Variants in GPM6A observed in about 807,000 individuals in gnomAD.
The protein encoded by GPM6A is neuronal membrane glycoprotein M6-a.
In GPM6A, 7 loss-of-function variants were observed where a neutral mutation model predicts 32.1. The observed-to-expected ratio is 0.22, with a 90% CI of 0.12 to 0.41. The LOEUF is 0.41. GPM6A is among the 10% of genes least tolerant of loss of function. The pLI, the probability that GPM6A is intolerant of heterozygous loss-of-function variation, is 1.00. For synonymous variants in GPM6A, 130 were observed against 123.4 expected (o/e 1.05, Z -0.35); for missense variants, 235 against 347.2 (o/e 0.68, Z 2.57).
chr4:175,706,327 T>A (rs1158317386), intron 1 of GPM6A, among the ~76,000 whole-genome samples: 1 of 152,178 alleles, frequency 6.6e-6, no homozygotes, highest in Non-Finnish European at 1.5e-5. Context: ...CATTGTGAAG[T>A]CAAATACATG....
In GPM6A at chr4:175,721,471, G is replaced by C. The variant is rs991075027; in HGVS notation, c.38-19704C>G. ...AGTCTGGGTGACAGAGCGAGACTCCGTCTCAAGAAAAAAAAAAAAGCAAGA... is the reference window on the plus strand; with the variant it reads ...AGTCTGGGTGACAGAGCGAGACTCCCTCTCAAGAAAAAAAAAAAAGCAAGA... On this transcript the variant is annotated intron_variant, in intron 1 of 6. Coordinates refer to ENST00000393658, the MANE Select transcript of GPM6A (RefSeq NM_201591.3). Among the ~76,000 whole-genome samples, 10 of 150,428 alleles carry C rather than the reference G, an allele frequency of 6.6e-5. No individual in the cohort carries two copies. In the East Asian group the frequency reaches 1.9e-3, roughly 29 times the overall value.
At chr4:175,817,225 A>C (rs182845896), upstream of GPM6A, among the ~76,000 whole-genome samples, 1,019 of 152,380 alleles carry the variant, frequency 6.7e-3, 8 homozygotes, top group Non-Finnish European at 0.011. Context: ...TTATAAAATG[A>C]CCATAACATT....
intron 2 of GPM6A, among the ~76,000 whole-genome samples, chr4:175,675,244 T>C (rs924697901): frequency 7.8e-4 from 117 of 150,640 alleles, no homozygotes; most frequent in African/African-American, 2.8e-3. Context: ...TATATGTATA[T>C]ATGTATATAT....
chr4:175,835,763 T>C (rs1370531401), intron 1 of GPM6A, among the ~76,000 whole-genome samples: 1 of 147,402 alleles, frequency 6.8e-6, no homozygotes, highest in East Asian at 1.9e-4. Flanking sequence ...TAATTATATT[T>C]ACTAACATTA....
intron 1 of GPM6A, among the ~76,000 whole-genome samples, chr4:175,749,073 A>G (rs1015382657): frequency 6.6e-6 from 1 of 152,154 alleles, no homozygotes; most frequent in Admixed American, 6.5e-5. Flanking sequence ...TGGGAGTTGG[A>G]TAGGAAAATG....
intron 1 of GPM6A, among the ~76,000 whole-genome samples, chr4:175,749,443 A>C (rs1334596740): frequency 6.6e-6 from 1 of 152,196 alleles, no homozygotes; most frequent in Non-Finnish European, 1.5e-5. Flanking sequence ...TTTATAAAAA[A>C]TGCACTGTCT....
upstream of GPM6A, among the ~76,000 whole-genome samples, chr4:175,815,256 C>T (rs979741119): frequency 6.6e-6 from 1 of 152,132 alleles, no homozygotes; most frequent in Non-Finnish European, 1.5e-5. Context: ...CTCAGGTGAT[C>T]CACCCACCTC....
At chr4:175,902,882 G>C (rs1389385649) in intron 1 of GPM6A, among the ~76,000 whole-genome samples, 1 of 152,022 alleles carries the variant, frequency 6.6e-6, no homozygotes, top group Non-Finnish European at 1.5e-5. Context: ...CCAGATGAAC[G>C]ACACAGCTTC....
intron 1 of GPM6A, among the ~76,000 whole-genome samples, chr4:175,953,970 G>T (rs985221632): frequency 1.3e-5 from 2 of 152,078 alleles, no homozygotes; most frequent in African/African-American, 4.8e-5. Flanking sequence ...TAACCCAGTT[G>T]GTTTAAAAAA....
chr4:175,807,524 G>C (rs1734741580), intron 1 of GPM6A: 1 of 152,204 alleles, frequency 6.6e-6, no homozygotes, highest in Admixed American at 6.5e-5. Flanking sequence ...GGGATAAAGA[G>C]ATCCTCAGAG....
intron 1 of GPM6A, among the ~76,000 whole-genome samples, chr4:175,831,394 C>G (rs892640521): frequency 1.3e-5 from 2 of 152,188 alleles, no homozygotes; most frequent in Admixed American, 1.3e-4. Context: ...ACTAAGCTTA[C>G]ATTTTCAAAG....
At chr4:175,858,836 C>T (rs111834616) in intron 1 of GPM6A, among the ~76,000 whole-genome samples, 2 of 152,072 alleles carry the variant, frequency 1.3e-5, no homozygotes, top group Non-Finnish European at 2.9e-5. Flanking sequence ...TGTCTATGAA[C>T]GAGTGAACAA....
At chr4:175,859,820 C>T (rs562303955) in intron 1 of GPM6A, among the ~76,000 whole-genome samples, 15 of 152,186 alleles carry the variant, frequency 9.9e-5, no homozygotes, top group South Asian at 6.2e-4. Flanking sequence ...ACCATCCATG[C>T]TGTGCCTCCA....
intron 2 of GPM6A, among the ~76,000 whole-genome samples, chr4:175,699,075 A>G (rs1744730011): frequency 6.6e-6 from 1 of 152,216 alleles, no homozygotes; most frequent in Non-Finnish European, 1.5e-5. Flanking sequence ...TGTAGTTTAC[A>G]TAGAGAGAAT....
At chr4:175,707,248 C>A (rs969685888) in intron 1 of GPM6A, among the ~76,000 whole-genome samples, 1 of 152,204 alleles carries the variant, frequency 6.6e-6, no homozygotes, top group Non-Finnish European at 1.5e-5. Flanking sequence ...TCTTCTTGCT[C>A]AAGTTCCAAG....
intron 1 of GPM6A, among the ~76,000 whole-genome samples, chr4:175,737,361 T>TACGCCTGTAATCCTGC (rs1731705233): frequency 6.6e-6 from 1 of 151,778 alleles, no homozygotes; most frequent in Non-Finnish European, 1.5e-5. Flanking sequence ...TGTAATCCTG[T>TACGCCTGTAATCCTGC]ACGCCTGTAA....
chr4:175,767,741 G>A (rs1187204342), intron 1 of GPM6A, among the ~76,000 whole-genome samples: 1 of 152,156 alleles, frequency 6.6e-6, no homozygotes, highest in Non-Finnish European at 1.5e-5. Context: ...TAGAAAGTTT[G>A]AATTTCCTTA....
At chr4:175,956,096 G>A (rs1005838381) in intron 1 of GPM6A, among the ~76,000 whole-genome samples, 5 of 152,142 alleles carry the variant, frequency 3.3e-5, no homozygotes, top group South Asian at 2.1e-4. Context: ...GTGCACGTGC[G>A]TCGTACAAAA....
intron 1 of GPM6A, among the ~76,000 whole-genome samples, chr4:175,873,062 A>G (rs1040231502): frequency 2.0e-5 from 3 of 152,116 alleles, no homozygotes; most frequent in Admixed American, 2.0e-4. Flanking sequence ...ATTTTTATTT[A>G]TCTGGGTCTG....
Sources: allele counts gnomAD v4.1 joint callset (sites outside exome capture counted in the v4.1 genomes callset), GRCh38; gene constraint gnomAD v4.1.1; transcripts MANE v1.5; gene names NCBI Gene and HGNC (gene_info 2026-07-23, HGNC 2026-07-21).